Variants in NSMCE2 observed in about 807,000 individuals in gnomAD.
NSMCE2 encodes the protein NSE2 SUMO ligase component of SMC5/6 complex, also known as E3 SUMO-protein ligase NSE2.
In NSMCE2, 24 loss-of-function variants were observed where a neutral mutation model predicts 23.8. The ratio of observed to expected loss-of-function variants is 1.01; its 90% confidence interval spans 0.73 to 1.42. The LOEUF (loss-of-function observed/expected upper bound fraction) is 1.42. NSMCE2 is among the 40% of genes most tolerant of loss of function. The pLI is 0.00. For synonymous variants in NSMCE2, 92 were observed against 94.1 expected (o/e 0.98, Z 0.13); for missense variants, 284 against 296.5 (o/e 0.96, Z 0.31).
At chr8:125,138,681 T>A (rs1820197041) in intron 3 of NSMCE2, among the ~76,000 whole-genome samples, 1 of 152,184 alleles carries the variant, frequency 6.6e-6, no homozygotes, top group Non-Finnish European at 1.5e-5. Flanking sequence ...ATGAAGCATG[T>A]TTAAGTAAGG....
chr8:125,248,788 G>T (rs1294889232), intron 5 of NSMCE2, among the ~76,000 whole-genome samples: 1 of 152,244 alleles, frequency 6.6e-6, no homozygotes, highest in Non-Finnish European at 1.5e-5. Flanking sequence ...ACAGTCATTG[G>T]AAGTATGCAG....
At chr8:125,126,114 G>T (rs886549990) in intron 3 of NSMCE2, among the ~76,000 whole-genome samples, 1 of 152,146 alleles carries the variant, frequency 6.6e-6, no homozygotes, top group African/African-American at 2.4e-5. Flanking sequence ...CAGGCGGGGT[G>T]ACTCACACCT....
At chr8:125,234,188 G>A (rs1202739839) in intron 5 of NSMCE2, among the ~76,000 whole-genome samples, 2 of 151,628 alleles carry the variant, frequency 1.3e-5, no homozygotes, top group Admixed American at 6.6e-5. Flanking sequence ...GCGAGACTCC[G>A]TCTCAAAAAA....
intron 5 of NSMCE2, among the ~76,000 whole-genome samples, chr8:125,257,777 G>A (rs1228233250): frequency 3.3e-5 from 5 of 151,922 alleles, no homozygotes; most frequent in Admixed American, 6.6e-5. Flanking sequence ...TTCATTATCC[G>A]CCCTCTTCGG....
intron 4 of NSMCE2, among the ~76,000 whole-genome samples, chr8:125,157,504 T>A (rs1181549443): frequency 6.6e-6 from 1 of 152,244 alleles, no homozygotes; most frequent in Non-Finnish European, 1.5e-5. Context: ...TTACTGGTAA[T>A]TAACTTCTAT....
At chr8:125,299,545 C>G (rs1192263223) in intron 5 of NSMCE2, among the ~76,000 whole-genome samples, 1 of 152,082 alleles carries the variant, frequency 6.6e-6, no homozygotes, top group Admixed American at 6.6e-5. Flanking sequence ...GAAACAGCCC[C>G]CATGACCCAG....
chr8:125,269,341 C>T (rs1217401624), intron 5 of NSMCE2, among the ~76,000 whole-genome samples: 1 of 152,218 alleles, frequency 6.6e-6, no homozygotes. Context: ...CTTCCTCCGC[C>T]TCCCAAAGTG....
At chr8:125,328,566 T>TA (rs1387935355) in intron 5 of NSMCE2, among the ~76,000 whole-genome samples, 2 of 152,058 alleles carry the variant, frequency 1.3e-5, no homozygotes, top group Non-Finnish European at 2.9e-5. Context: ...AGAGGATGAG[T>TA]AGTTCTCTCA....
At chr8:125,196,707 G>T (rs1293653438) in intron 5 of NSMCE2, among the ~76,000 whole-genome samples, 1 of 152,188 alleles carries the variant, frequency 6.6e-6, no homozygotes, top group African/African-American at 2.4e-5. Context: ...AATCCTTTGG[G>T]TATATACCCA....
At chr8:125,252,464 C>T (rs192830846) in intron 5 of NSMCE2, among the ~76,000 whole-genome samples, 34 of 152,110 alleles carry the variant, frequency 2.2e-4, no homozygotes, top group Middle Eastern at 6.8e-3. Context: ...AGGCGGAGCT[C>T]GCAGTGAGCT....
chr8:125,360,855 G>A (rs1286182637), intron 7 of NSMCE2, among the ~76,000 whole-genome samples: 9 of 152,016 alleles, frequency 5.9e-5, no homozygotes, highest in African/African-American at 2.2e-4. Context: ...TTTTAGACTG[G>A]AGTTCCAGGT....
At chr8:125,099,192 A>G (rs1563648488) in intron 1 of NSMCE2, among the ~76,000 whole-genome samples, 1 of 152,156 alleles carries the variant, frequency 6.6e-6, no homozygotes, top group Non-Finnish European at 1.5e-5. Context: ...TAATAAATAC[A>G]AGAATGTCGT....
rs766599896 is a variant in NSMCE2 at position 125,316,567 on chromosome 8, CTTCT to C, written c.419-40637_419-40634del. Among the ~76,000 whole-genome samples the C allele has an allele frequency of 4.1e-4, 62 of 152,010 alleles. 1 individual carries two copies. Among genetic ancestry groups the C allele is most frequent in the Middle Eastern group, 6.8e-3 (2 of 294 alleles). On this transcript the variant is annotated intron_variant, in intron 5 of 7. Transcript: ENST00000287437. ...TTGTCTGTCTGTCTTTCTTTCTTTC[CTTCT>C]TTCTTTCTTTCTTTTCTTTTCTTTC...
intron 5 of NSMCE2, among the ~76,000 whole-genome samples, chr8:125,281,484 G>A (rs1048703976): frequency 1.3e-5 from 2 of 152,094 alleles, no homozygotes; most frequent in African/African-American, 4.8e-5. Flanking sequence ...CTGTTGCCCA[G>A]GTTGGAGTGC....
intron 3 of NSMCE2, among the ~76,000 whole-genome samples, chr8:125,126,265 AGGAG>A (rs1819512787): frequency 6.6e-6 from 1 of 151,572 alleles, no homozygotes. Context: ...GTGCCTACTA[AGGAG>A]GCCGAGGCAG....
intron 3 of NSMCE2, among the ~76,000 whole-genome samples, chr8:125,103,595 T>C (rs547968100): frequency 3.9e-5 from 6 of 152,316 alleles, no homozygotes; most frequent in African/African-American, 1.4e-4. Flanking sequence ...TCTCCTTCTG[T>C]GTGACTCACA....
chr8:125,121,401 C>G (rs1434095637), intron 3 of NSMCE2, among the ~76,000 whole-genome samples: 1 of 152,138 alleles, frequency 6.6e-6, no homozygotes, highest in Admixed American at 6.5e-5. Flanking sequence ...TGGTTGATTG[C>G]CACTGTTGTT....
intron 5 of NSMCE2, among the ~76,000 whole-genome samples, chr8:125,183,593 A>G (rs1822935366): frequency 6.6e-6 from 1 of 151,846 alleles, no homozygotes; most frequent in Non-Finnish European, 1.5e-5. Flanking sequence ...TACATGGGCC[A>G]TATAGTCTTT....
At chr8:125,264,686 G>T (rs1381982301) in intron 5 of NSMCE2, among the ~76,000 whole-genome samples, 1 of 152,188 alleles carries the variant, frequency 6.6e-6, no homozygotes. Flanking sequence ...TCAGAACCGT[G>T]TAAGAGCTGA....
Sources: gnomAD v4.1 joint callset for allele counts (sites outside exome capture counted in the v4.1 genomes callset) on GRCh38, gnomAD v4.1.1 for gene constraint, MANE v1.5 for transcripts, NCBI Gene and HGNC (gene_info 2026-07-23, HGNC 2026-07-21) for gene names.